The following CCNT2 variants were observed in gnomAD, a reference collection of about 807,000 sequenced individuals.
CCNT2 encodes cyclin-T2.
CCNT2 carries 18 observed loss-of-function variants against 70.0 expected under a neutral mutation model. That is an observed-to-expected ratio of 0.26 (90% CI 0.18 to 0.38). CCNT2 has a LOEUF of 0.38. Ranked by LOEUF, CCNT2 falls within the 10% of genes least tolerant of loss-of-function variation. The probability of loss-of-function intolerance (pLI) is 1.00; values close to 1 mark genes in which losing one functional copy is unlikely to be tolerated. For missense variants in CCNT2, 734 were observed against 890.2 expected (o/e 0.82, Z 2.23); for synonymous variants, 334 against 313.3 (o/e 1.07, Z -0.70).
intron 2 of CCNT2, among the ~76,000 whole-genome samples, chr2:134,927,984 T>C (rs571694144): frequency 1.7e-3 from 266 of 152,326 alleles, no homozygotes; most frequent in African/African-American, 5.5e-3. Context: ...AGAAAAGAAA[T>C]GGATGAGAAC....
chr2:134,920,853 A>G (rs1339602916), intron 2 of CCNT2, among the ~76,000 whole-genome samples: 1 of 152,212 alleles, frequency 6.6e-6, no homozygotes, highest in Non-Finnish European at 1.5e-5. Context: ...TTATTTTTGA[A>G]ATGGAAGGAA....
At chr2:134,939,698 T>G (rs1490538272) in intron 4 of CCNT2, among the ~76,000 whole-genome samples, 1 of 152,146 alleles carries the variant, frequency 6.6e-6, no homozygotes, top group African/African-American at 2.4e-5. Flanking sequence ...ACTCCTGAGC[T>G]CAGGGAATCT....
rs976976451 is a variant in CCNT2 at position 134,959,194 on chromosome 2, T to A, written c.*4546T>A. ...TGATTGTGGGGTTTCATTTTCTGAA[T>A]GTACTCAAAACTCCCAACAACAATT... On this transcript the variant is annotated 3_prime_UTR_variant, in exon 9 of 9. Coordinates refer to ENST00000264157, the MANE Select transcript of CCNT2 (RefSeq NM_058241.3). 7.9e-5 allele frequency: 12 copies of A among 152,150 alleles called. No homozygotes were observed. Among genetic ancestry groups the A allele is most frequent in the Non-Finnish European group, 1.3e-4 (9 of 68,012 alleles). The allele number at this position is 152,150 out of a possible 1,614,324, so 9.4% of individuals were successfully genotyped here. A position where few individuals can be genotyped will look rare whatever the true frequency, so the allele number is the denominator to read the frequency against.
At position 134,953,288 on chromosome 2, in the gene CCNT2, T is replaced by A. The variant is rs1266137709; in HGVS notation, c.833T>A (p.Leu278His). The stretch of plus-strand genomic sequence containing the variant: ...GGACAGGTATCAGAGACACCACTTC[T>A]TGGTTCATCTTTGGTCCAGAATTCC... ...VDGQVSETPL[L>H]GSSLVQNSIL... Residue 278 changes from leucine to histidine, a missense_variant, in exon 9 of 9, where the codon CTT becomes CAT. Around this residue, in one of 3 missense-constraint regions of CCNT2, gnomAD observed 532 missense variants for 556.9 expected, o/e 0.96. Coordinates refer to ENST00000264157, the MANE Select transcript of CCNT2 (RefSeq NM_058241.3). 1.2e-6 allele frequency: 2 copies of A among 1,613,868 alleles called. No individual in the cohort carries two copies. Among genetic ancestry groups the A allele is most frequent in the Admixed American group, 1.7e-5 (1 of 59,994 alleles).
At position 134,959,014 on chromosome 2, in the gene CCNT2, G is replaced by A. The variant is rs753590834; in HGVS notation, c.*4366G>A. On this transcript the variant is annotated 3_prime_UTR_variant, in exon 9 of 9. Coordinates refer to ENST00000264157, the MANE Select transcript of CCNT2 (RefSeq NM_058241.3). ...GTTTGGGGCGGAAACTCAAAATCCC[G>A]AGCATTGCCACTTTAGTAGTTTGTT... 1.3e-5 allele frequency: 2 copies of A among 151,906 alleles called. No individual in the cohort carries two copies. The highest frequency in any genetic ancestry group is 2.4e-5 in the African/African-American group (1 of 41,398). The allele number at this position is 151,906 out of a possible 1,614,324, so 9.4% of individuals were successfully genotyped here.
chr2:134,945,319 G>A (rs916901482), intron 5 of CCNT2: 4 of 985,372 alleles, frequency 4.1e-6, no homozygotes, highest in Non-Finnish European at 4.8e-6. Flanking sequence ...GCTTGTGGAT[G>A]TAATTGGGAA....
chr2:134,933,255 C>G (rs977721693), intron 2 of CCNT2, among the ~76,000 whole-genome samples: 1 of 152,170 alleles, frequency 6.6e-6, no homozygotes, highest in African/African-American at 2.4e-5. Flanking sequence ...TACAAATACA[C>G]CCACAAAGTG....
At chr2:134,942,803 T>G in intron 5 of CCNT2, 129 bp downstream of exon 5, 5 of 1,409,056 alleles carry the variant, frequency 3.5e-6, no homozygotes, top group Non-Finnish European at 4.7e-6. Context: ...TGTCATTTTT[T>G]AAGCATTACT....
At chr2:134,921,045 A>C (rs1470830855) in intron 2 of CCNT2, among the ~76,000 whole-genome samples, 1 of 152,156 alleles carries the variant, frequency 6.6e-6, no homozygotes, top group Non-Finnish European at 1.5e-5. Flanking sequence ...CTAGTTTCCT[A>C]GTTATTTCTT....
intron 2 of CCNT2, among the ~76,000 whole-genome samples, chr2:134,930,376 T>C (rs947026324): frequency 2.6e-5 from 4 of 152,254 alleles, no homozygotes; most frequent in Non-Finnish European, 4.4e-5. Flanking sequence ...TTTTTATTTA[T>C]CCATTTATCA....
intron 3 of CCNT2, 60 bp from the exon 4 acceptor site, chr2:134,938,942 C>G (rs1250015924): frequency 9.5e-7 from 1 of 1,047,384 alleles, no homozygotes; most frequent in African/African-American, 1.6e-5. Context: ...ATGTAACAGT[C>G]ATGCAGTCTA....
chr2:134,942,974 G>A (rs1434533680), intron 5 of CCNT2: 2 of 985,396 alleles, frequency 2.0e-6, no homozygotes, highest in Middle Eastern at 5.2e-4. Flanking sequence ...TTTCAGTCAA[G>A]TGTGGGCCAA....
intron 5 of CCNT2, chr2:134,945,522 A>G (rs958349256): frequency 1.6e-5 from 16 of 985,046 alleles, no homozygotes; most frequent in East Asian, 1.1e-4. Flanking sequence ...TGTAATTTGA[A>G]CTAAAATACA....
intron 2 of CCNT2, among the ~76,000 whole-genome samples, chr2:134,932,293 G>A (rs1034166709): frequency 1.5e-4 from 23 of 152,058 alleles, no homozygotes; most frequent in Admixed American, 7.2e-4. Flanking sequence ...GAGCCACCAC[G>A]CTCGGCTGAT....
At chr2:134,939,611 G>C (rs1046845776) in intron 4 of CCNT2, among the ~76,000 whole-genome samples, 16 of 152,014 alleles carry the variant, frequency 1.1e-4, no homozygotes, top group African/African-American at 3.9e-4. Flanking sequence ...GACTACAGGT[G>C]CATACTGCCA....
chr2:134,945,508 A>G (rs1681885729), intron 5 of CCNT2: 1 of 985,328 alleles, frequency 1.0e-6, no homozygotes, highest in South Asian at 4.7e-5. Flanking sequence ...CTTTAATTAG[A>G]TTCTGTAATT....
chr2:134,928,742 A>T (rs560858520), intron 2 of CCNT2, among the ~76,000 whole-genome samples: 102 of 152,278 alleles, frequency 6.7e-4, no homozygotes, highest in African/African-American at 2.2e-3. Context: ...AAAAAAAAAA[A>T]TGGGAAAGAT....
chr2:134,942,667 A>G lies in CCNT2; in HGVS notation c.486A>G (p.Leu162=). 1.2e-6 allele frequency: 2 copies of G among 1,608,366 alleles called. No homozygotes were observed. Among genetic ancestry groups the G allele is most frequent in the East Asian group, 2.2e-5 (1 of 44,810 alleles). ...CAGATGTGGTGAAATGTACCCAGTT[A>G]GTAAGAGGTAGGTGATCCTTGAAAC... is the stretch of plus-strand genomic sequence containing the variant. ...PHTDVVKCTQ[L]VRASKDLAQT... The change falls in exon 5 of 9, where the codon TTA becomes TTG. Residue 162 remains leucine, a synonymous_variant. Transcript: ENST00000264157.
At chr2:134,940,434 C>G (rs909880100) in intron 4 of CCNT2, among the ~76,000 whole-genome samples, 1 of 152,020 alleles carries the variant, frequency 6.6e-6, no homozygotes, top group African/African-American at 2.4e-5. Context: ...ATAAAATATA[C>G]ATAAATCTAT....
Sources: gnomAD v4.1 joint callset for allele counts (sites outside exome capture counted in the v4.1 genomes callset) on GRCh38, gnomAD v4.1.1 for gene constraint, gnomAD v4.1.1 regional missense constraint, MANE v1.5 for transcripts, NCBI Gene and HGNC (gene_info 2026-07-23, HGNC 2026-07-21) for gene names.